SMARCA5: variants seen among roughly 807,000 people sequenced by gnomAD.
SMARCA5 encodes the protein SWI/SNF-related matrix-associated actin-dependent regulator of chromatin subfamily A member 5.
In SMARCA5, 18 loss-of-function variants were observed where a neutral mutation model predicts 140.4. The ratio of observed to expected loss-of-function variants is 0.13; its 90% confidence interval spans 0.09 to 0.19. SMARCA5 has a LOEUF of 0.19. SMARCA5 is among the 10% of genes least tolerant of loss of function. The pLI, the probability that SMARCA5 is intolerant of heterozygous loss-of-function variation, is 1.00. For missense variants in SMARCA5, 606 were observed against 1,276.8 expected (o/e 0.47, Z 8.01); for synonymous variants, 449 against 419.6 (o/e 1.07, Z -0.86).
chr4:143,548,780 AAGTTTGGGATAT>A (rs1737579890), intron 22 of SMARCA5, among the ~76,000 whole-genome samples: 1 of 152,060 alleles, frequency 6.6e-6, no homozygotes, highest in Non-Finnish European at 1.5e-5. Flanking sequence ...CTTTAGTCTT[AAGTTTGGGATAT>A]TCTGGGATAA....
chr4:143,528,153 T>G, intron 7 of SMARCA5, 130 bp downstream of exon 7: 1 of 641,032 alleles, frequency 1.6e-6, no homozygotes, highest in Non-Finnish European at 2.5e-6. Flanking sequence ...TAGGTATGCA[T>G]GTGCCATGGT....
intron 4 of SMARCA5, among the ~76,000 whole-genome samples, chr4:143,525,232 G>T (rs987385210): frequency 2.0e-5 from 3 of 152,128 alleles, no homozygotes; most frequent in Non-Finnish European, 2.9e-5. Flanking sequence ...GTACTCTGAT[G>T]CCCGCAGTCA....
chr4:143,540,176 A>G lies in SMARCA5; in HGVS notation c.1771-187A>G, dbSNP rs186496315. 1.1e-4 allele frequency among the ~76,000 whole-genome samples: 17 copies of G among 152,306 alleles called. No homozygotes were observed. In the East Asian group the frequency reaches 1.2e-3, roughly 10 times the overall value. On this transcript the variant is annotated intron_variant, in intron 13 of 23. Coordinates refer to ENST00000283131, the MANE Select transcript of SMARCA5 (RefSeq NM_003601.4). ...TTATAATGTTGTATATTGTTTGGAG[A>G]CATTATGTGTTTTATCTCAGTGTAA...
intron 2 of SMARCA5, among the ~76,000 whole-genome samples, chr4:143,517,721 C>T (rs1736869461): frequency 6.6e-6 from 1 of 152,128 alleles, no homozygotes; most frequent in Non-Finnish European, 1.5e-5. Context: ...ATAACCTCCT[C>T]CTGAGATACT....
chr4:143,526,591 T>C (rs1234185844), intron 6 of SMARCA5, 131 bp downstream of exon 6: 2 of 654,736 alleles, frequency 3.1e-6, no homozygotes, highest in East Asian at 5.5e-5. Flanking sequence ...AAATGTAGCA[T>C]TGTCTTGGTG....
chr4:143,541,368 A>AT (rs981152360), intron 14 of SMARCA5, among the ~76,000 whole-genome samples: 4 of 152,142 alleles, frequency 2.6e-5, no homozygotes, highest in Admixed American at 6.5e-5. Context: ...AGGTATCTTG[A>AT]TTTTGTCAGT....
chr4:143,548,291 A>C, intron 22 of SMARCA5, 151 bp downstream of exon 22: 1 of 512,844 alleles, frequency 1.9e-6, no homozygotes, highest in Non-Finnish European at 3.5e-6. Context: ...GGGATAGCTT[A>C]CAAGTTTATT....
chr4:143,533,987 G>A (rs1330878102), intron 9 of SMARCA5, among the ~76,000 whole-genome samples: 1 of 152,038 alleles, frequency 6.6e-6, no homozygotes, highest in Non-Finnish European at 1.5e-5. Context: ...TTTATTTTGC[G>A]AAACAAATAG....
At position 143,547,802 on chromosome 4, in the gene SMARCA5, G is replaced by A. The variant is rs2149825029; in HGVS notation, c.2773-126G>A. ...GGGACAAAGATTATATAAAGCAATT[G>A]AAGTGCTCTAGATAGAAAATTCTGA... is the stretch of plus-strand genomic sequence containing the variant. On this transcript the variant is annotated intron_variant, in intron 21 of 23. Transcript: ENST00000283131. The A allele has an allele frequency of 5.1e-6, 3 of 586,274 alleles. No homozygotes were observed. The East Asian group carries it at 8.5e-5, about 17-fold the overall frequency. 36.3% of individuals were successfully genotyped at this position (586,274 alleles called of 1,614,324 possible).
intron 3 of SMARCA5, among the ~76,000 whole-genome samples, chr4:143,523,028 C>A (rs1035258808): frequency 2.6e-5 from 4 of 151,812 alleles, no homozygotes; most frequent in African/African-American, 9.7e-5. Flanking sequence ...TTTTTTAAAT[C>A]TTTTTTTGTT....
rs1228819379 is a variant in SMARCA5, at chr4:143,553,206, A to G, written c.*22A>G. 6.4e-7 allele frequency: 1 copy of G among 1,557,344 alleles called. No homozygotes were observed. Among genetic ancestry groups the G allele is most frequent in the Non-Finnish European group, 8.9e-7 (1 of 1,128,692 alleles). ...ATGAATATGTTTTTGTTTCATAATC[A>G]CTAACTTTAAACCAGTAGTTCTTTA... On this transcript the variant is annotated 3_prime_UTR_variant, in exon 24 of 24. Transcript: ENST00000283131.
chr4:143,545,269 C>G (rs891756835), intron 17 of SMARCA5, among the ~76,000 whole-genome samples: 1 of 152,068 alleles, frequency 6.6e-6, no homozygotes, highest in Non-Finnish European at 1.5e-5. Context: ...AGAGTGTACT[C>G]TCTTCTGTTT....
At position 143,528,944 on chromosome 4, in the gene SMARCA5, AT is replaced by A. The variant is rs1003391470; in HGVS notation, c.1089+238del. Among the ~76,000 whole-genome samples the A allele has an allele frequency of 2.0e-5, 3 of 151,012 alleles. No individual in the cohort carries two copies. The East Asian group carries it at 5.8e-4, about 29-fold the overall frequency. ...ATTTCATTATTATTATTATTATTTT[AT>A]TTTTTTTGAGACGTAGTCTCACTCT... On this transcript the variant is annotated intron_variant, in intron 8 of 23. Transcript: ENST00000283131.
At position 143,540,512 on chromosome 4, in the gene SMARCA5, T is replaced by A; in HGVS notation, c.1903+17T>A. Reference sequence around the variant, plus strand: ...TTCAACAAGGTAAGCCATGGAACTTTAAAACTTTACCAAGTTGGATTGACA... The same window carrying A: ...TTCAACAAGGTAAGCCATGGAACTTAAAAACTTTACCAAGTTGGATTGACA... On this transcript the variant is annotated intron_variant, in intron 14 of 23. Transcript: ENST00000283131. 2 of 1,595,586 alleles carry A rather than the reference T, an allele frequency of 1.3e-6. No homozygotes were observed. Among genetic ancestry groups the A allele is most frequent in the Non-Finnish European group, 1.7e-6 (2 of 1,174,114 alleles).
Position 143,524,411 on chromosome 4 carries a change from T to C in SMARCA5, c.464T>C (p.Leu155Ser). 1 of 1,613,388 alleles carries C rather than the reference T, an allele frequency of 6.2e-7. No individual in the cohort carries two copies. Among genetic ancestry groups the C allele is most frequent in the Non-Finnish European group, 8.5e-7 (1 of 1,179,580 alleles). Reference sequence around the variant, plus strand: ...GAGCAAGAGGAGGATGAAGAGCTATTAACAGAAAGCTCCAAAGCAACCAAT... The same window carrying C: ...GAGCAAGAGGAGGATGAAGAGCTATCAACAGAAAGCTCCAAAGCAACCAAT... Reference protein sequence around the residue: ...RTEQEEDEELLTESSKATNVC... With the variant: ...RTEQEEDEELSTESSKATNVC... The change falls in exon 4 of 24, where the codon TTA (leucine) becomes TCA (serine). Residue 155 changes from leucine (L) to serine (S), a missense_variant. This residue lies in a region of SMARCA5 where 110 missense variants were observed against 287.7 expected (regional missense o/e 0.38). Coordinates refer to ENST00000283131, the MANE Select transcript of SMARCA5 (RefSeq NM_003601.4).
At position 143,513,808 on chromosome 4, in the gene SMARCA5, GT is replaced by G; in HGVS notation, c.-116del. On this transcript the variant is annotated 5_prime_UTR_variant, in exon 1 of 24. Transcript: ENST00000283131. Reference sequence around the variant, plus strand: ...AGGCGCGGCGCAGGGGAGCGCTCGGGTGGGAGTCTCGCTCCTCCACCAGTTT... The same window carrying G: ...AGGCGCGGCGCAGGGGAGCGCTCGGGGGGAGTCTCGCTCCTCCACCAGTTT... The G allele has an allele frequency of 1.6e-6, 2 of 1,221,312 alleles. No homozygotes were observed. The highest frequency in any genetic ancestry group is 2.2e-6 in the Non-Finnish European group (2 of 890,272). The allele number at this position is 1,221,312 out of a possible 1,614,324, so 75.7% of individuals were successfully genotyped here.
intron 8 of SMARCA5, among the ~76,000 whole-genome samples, chr4:143,529,503 G>A (rs1181850376): frequency 6.6e-6 from 1 of 152,070 alleles, no homozygotes; most frequent in African/African-American, 2.4e-5. Context: ...AATCTTTATG[G>A]ATTATTTATA....
chr4:143,547,859 A>G, intron 21 of SMARCA5, 69 bp from the exon 22 acceptor site: 1 of 938,850 alleles, frequency 1.1e-6, no homozygotes, highest in Non-Finnish European at 1.6e-6. Flanking sequence ...TAATTATACT[A>G]AAGCTGAGTT....
chr4:143,518,308 T>G (rs1332437000), intron 2 of SMARCA5, among the ~76,000 whole-genome samples: 1 of 152,158 alleles, frequency 6.6e-6, no homozygotes. Flanking sequence ...ATAGTAGTAG[T>G]GGCTAACAGT....
Sources: allele counts gnomAD v4.1 joint callset (sites outside exome capture counted in the v4.1 genomes callset), GRCh38; gene constraint gnomAD v4.1.1; regional missense constraint gnomAD v4.1.1; transcripts MANE v1.5; gene names NCBI Gene and HGNC (gene_info 2026-07-23, HGNC 2026-07-21).